TNFSF4: variants seen among roughly 807,000 people sequenced by gnomAD.
TNFSF4 encodes the protein tumor necrosis factor ligand superfamily member 4.
Under a neutral mutation model 7.3 loss-of-function variants are expected in TNFSF4, and 4 were observed. The ratio of observed to expected loss-of-function variants is 0.55; its 90% CI spans 0.27 to 1.25. The LOEUF (loss-of-function observed/expected upper bound fraction) is 1.25. TNFSF4 is among the 50% of genes most tolerant of loss of function. TNFSF4 has a pLI of 0.12. For synonymous variants in TNFSF4, 76 were observed against 83.7 expected (o/e 0.91, Z 0.50); for missense variants, 181 against 208.8 (o/e 0.87, Z 0.82).
At position 173,205,499 on chromosome 1, in the gene TNFSF4, C is replaced by T. The variant is rs1490351018; in HGVS notation, c.153+1525G>A. 4.8e-6 allele frequency: 7 copies of T among 1,448,736 alleles called. No individual in the cohort carries two copies. In the East Asian group the frequency reaches 1.5e-4, roughly 30 times the overall value. 89.7% of individuals were successfully genotyped at this position (1,448,736 alleles called of 1,614,324 possible). ...AACTGTGGTTCACCTTTTGCTCTCT[C>T]CTGCTCAGAGCCGTTGTGCAATCAG... On this transcript the variant is annotated intron_variant, in intron 1 of 2. Coordinates refer to ENST00000281834, the MANE Select transcript of TNFSF4 (RefSeq NM_003326.5).
rs1650239117 is a variant in TNFSF4, at chr1:173,207,262, T to C, written c.-86A>G. ...GAAGTTTTCCCCAGAAAGAAGGAGG[T>C]AAAGACAAAACAAAGCCTATCAATC... On this transcript the variant is annotated 5_prime_UTR_variant, in exon 1 of 3. Coordinates refer to ENST00000281834, the MANE Select transcript of TNFSF4 (RefSeq NM_003326.5). 2 of 1,361,640 alleles carry C rather than the reference T, an allele frequency of 1.5e-6. No homozygotes were observed. Among genetic ancestry groups the C allele is most frequent in the Non-Finnish European group, 2.0e-6 (2 of 983,426 alleles). 84.3% of individuals were successfully genotyped at this position (1,361,640 alleles called of 1,614,324 possible).
the TNFSF4 span, chr1:173,352,104 C>T: frequency 2.3e-3 from 624 of 269,520 alleles, 2 homozygotes; most frequent in African/African-American, 0.011. Context: ...CACTGGTGAC[C>T]GTCATTGCTA....
the TNFSF4 span, among the ~76,000 whole-genome samples, chr1:173,380,520 C>A: frequency 6.6e-6 from 1 of 152,070 alleles, no homozygotes; most frequent in Non-Finnish European, 1.5e-5. Flanking sequence ...CTTCTCAGGG[C>A]CTCCAAAAAT....
the TNFSF4 span, among the ~76,000 whole-genome samples, chr1:173,242,228 C>T: frequency 1.3e-5 from 2 of 152,118 alleles, no homozygotes; most frequent in African/African-American, 4.8e-5. Flanking sequence ...AAAATACTCA[C>T]TCTCCTTTTA....
the TNFSF4 span, among the ~76,000 whole-genome samples, chr1:173,322,929 C>G: frequency 2.0e-5 from 3 of 152,228 alleles, no homozygotes; most frequent in Admixed American, 1.3e-4. Flanking sequence ...TCAAGGAGGC[C>G]TGCCTGCCTC....
chr1:173,339,569 A>T, the TNFSF4 span, among the ~76,000 whole-genome samples: 3 of 152,246 alleles, frequency 2.0e-5, no homozygotes, highest in Non-Finnish European at 4.4e-5. Context: ...TATATATATG[A>T]AATCTTTATT....
the TNFSF4 span, among the ~76,000 whole-genome samples, chr1:173,392,935 A>G: frequency 6.6e-6 from 1 of 152,206 alleles, no homozygotes; most frequent in South Asian, 2.1e-4. Flanking sequence ...AAGGCCGTAA[A>G]TTTTGGAATA....
At chr1:173,428,156 G>T in the TNFSF4 span, among the ~76,000 whole-genome samples, 1 of 152,082 alleles carries the variant, frequency 6.6e-6, no homozygotes, top group South Asian at 2.1e-4. Context: ...TGTTAGCCAG[G>T]CTGGTCTCCA....
chr1:173,258,870 C>T, the TNFSF4 span, among the ~76,000 whole-genome samples: 1 of 152,070 alleles, frequency 6.6e-6, no homozygotes, highest in Non-Finnish European at 1.5e-5. Flanking sequence ...GAGATGGAGC[C>T]CCTGATGGAA....
At chr1:173,214,340 A>G in the TNFSF4 span, among the ~76,000 whole-genome samples, 3 of 152,188 alleles carry the variant, frequency 2.0e-5, no homozygotes, top group African/African-American at 4.8e-5. Context: ...TGTGTGTGAT[A>G]CTACTGATCT....
the TNFSF4 span, among the ~76,000 whole-genome samples, chr1:173,425,311 A>G: frequency 6.6e-6 from 1 of 152,210 alleles, no homozygotes; most frequent in African/African-American, 2.4e-5. Context: ...GACCATTGAC[A>G]GAAAAGGAAA....
the TNFSF4 span, among the ~76,000 whole-genome samples, chr1:173,435,159 G>T: frequency 6.6e-6 from 1 of 152,068 alleles, no homozygotes; most frequent in Admixed American, 6.5e-5. Flanking sequence ...TTGGACAATG[G>T]CATCAAAAAC....
At chr1:173,422,804 G>A in the TNFSF4 span, among the ~76,000 whole-genome samples, 1 of 152,150 alleles carries the variant, frequency 6.6e-6, no homozygotes, top group Non-Finnish European at 1.5e-5. Context: ...CCATATGTGG[G>A]CCCCTGCACA....
At chr1:173,298,761 T>C in the TNFSF4 span, among the ~76,000 whole-genome samples, 1 of 151,934 alleles carries the variant, frequency 6.6e-6, no homozygotes, top group African/African-American at 2.4e-5. Context: ...CAAAATATCA[T>C]CATCACTAAT....
chr1:173,195,763 T>C (rs1649671446), intron 1 of TNFSF4, among the ~76,000 whole-genome samples: 1 of 152,240 alleles, frequency 6.6e-6, no homozygotes, highest in African/African-American at 2.4e-5. Context: ...GCACTCACTA[T>C]ACCGGCCTTG....
chr1:173,419,395 C>T, the TNFSF4 span, among the ~76,000 whole-genome samples: 1,190 of 152,086 alleles, frequency 7.8e-3, 18 homozygotes, highest in African/African-American at 0.028. Context: ...CAAGCCTGCT[C>T]TTGCCCACTT....
chr1:173,178,313 C>T, the TNFSF4 span, among the ~76,000 whole-genome samples: 1 of 152,178 alleles, frequency 6.6e-6, no homozygotes, highest in East Asian at 1.9e-4. Flanking sequence ...CGGTGGCTCA[C>T]CCCTGTAATC....
At chr1:173,238,947 C>T in the TNFSF4 span, among the ~76,000 whole-genome samples, 3 of 152,084 alleles carry the variant, frequency 2.0e-5, no homozygotes, top group Non-Finnish European at 2.9e-5. Context: ...TTGGCTTTGG[C>T]ATCATTCTAA....
At chr1:173,254,537 G>A in the TNFSF4 span, among the ~76,000 whole-genome samples, 3 of 152,164 alleles carry the variant, frequency 2.0e-5, no homozygotes, top group Admixed American at 6.5e-5. Flanking sequence ...ACTATGTGGC[G>A]TTTAGCAAAG....
Sources: gnomAD v4.1 joint callset for allele counts (sites outside exome capture counted in the v4.1 genomes callset) on GRCh38, gnomAD v4.1.1 for gene constraint, MANE v1.5 for transcripts, NCBI Gene and HGNC (gene_info 2026-07-23, HGNC 2026-07-21) for gene names.